Variants in TFB1M observed in about 807,000 individuals in gnomAD.
TFB1M encodes dimethyladenosine transferase 1, mitochondrial.
In TFB1M, 27 loss-of-function variants were observed where a neutral mutation model predicts 31.1. The observed-to-expected ratio is 0.87, with a 90% CI of 0.64 to 1.20. TFB1M has a LOEUF of 1.20. Among genes scored for constraint, TFB1M ranks in the 50% most tolerant of loss-of-function variants. The pLI, the probability that TFB1M is intolerant of heterozygous loss-of-function variation, is 0.00. For synonymous variants in TFB1M, 166 were observed against 151.8 expected, an observed-to-expected ratio of 1.09 and a Z score of -0.69; for missense variants, 394 against 418.7, an observed-to-expected ratio of 0.94 and a Z score of 0.51.
At chr6:155,277,547 T>C (rs541983833) in intron 5 of TFB1M, among the ~76,000 whole-genome samples, 2 of 152,356 alleles carry the variant, frequency 1.3e-5, no homozygotes, top group South Asian at 4.1e-4. Flanking sequence ...GAATATATTT[T>C]ACGTAAGTAA....
intron 5 of TFB1M, among the ~76,000 whole-genome samples, chr6:155,267,310 G>A (rs1784700351): frequency 1.3e-5 from 2 of 152,210 alleles, no homozygotes; most frequent in South Asian, 4.1e-4. Context: ...AGGGTCAGCT[G>A]AGGCAGCCAT....
At chr6:155,234,979 G>GAGCTAGAGACGGAGCAC in the TFB1M span, among the ~76,000 whole-genome samples, 1 of 152,136 alleles carries the variant, frequency 6.6e-6, no homozygotes, top group Non-Finnish European at 1.5e-5. Flanking sequence ...GAGGGGAACA[G>GAGCTAGAGACGGAGCAC]AGCTAGAGAC....
the TFB1M span, chr6:155,250,836 T>G: frequency 7.1e-7 from 1 of 1,414,148 alleles, no homozygotes; most frequent in Non-Finnish European, 1.0e-6. Context: ...AATGACTGTG[T>G]GTACATCACT....
rs144355958 is a variant in TFB1M, at chr6:155,298,513, C to T, written c.358G>A (p.Ala120Thr). 6.2e-7 allele frequency: 1 copy of T among 1,612,760 alleles called. No homozygotes were observed. Among genetic ancestry groups the T allele is most frequent in the South Asian group, 1.1e-5 (1 of 91,048 alleles). The change falls in exon 3 of 7, where the codon GCT becomes ACT. Residue 120 changes from alanine to threonine, a missense_variant. Around this residue, in one of 3 missense-constraint regions of TFB1M, gnomAD observed 273 missense variants for 256.4 expected, o/e 1.06. Transcript: ENST00000367166. ...GGTCTTTTAAGACTTTCTGAAAAAGCCTTTTCTACCTTAAATGTCAAGACA... is the reference window on the plus strand; with the variant it reads ...GGTCTTTTAAGACTTTCTGAAAAAGTCTTTTCTACCTTAAATGTCAAGACA... ...GDVLTFKVEK[A>T]FSESLKRPWE...
the TFB1M span, among the ~76,000 whole-genome samples, chr6:155,236,831 C>G: frequency 1.3e-5 from 2 of 152,222 alleles, no homozygotes; most frequent in Non-Finnish European, 2.9e-5. Flanking sequence ...TCATCTCCCA[C>G]TGGGCCCCTC....
intron 3 of TFB1M, among the ~76,000 whole-genome samples, chr6:155,298,198 C>G (rs1001812324): frequency 6.6e-6 from 1 of 152,002 alleles, no homozygotes; most frequent in African/African-American, 2.4e-5. Flanking sequence ...GATAGTTTAC[C>G]CTATCCTTAT....
At chr6:155,290,367 C>T (rs952141036) in intron 4 of TFB1M, among the ~76,000 whole-genome samples, 3 of 123,558 alleles carry the variant, frequency 2.4e-5, no homozygotes, top group African/African-American at 3.2e-5. Context: ...GCCTGGGTGA[C>T]AGAGCGGCGA....
At chr6:155,245,886 GGTTTCT>G in the TFB1M span, among the ~76,000 whole-genome samples, 1 of 151,654 alleles carries the variant, frequency 6.6e-6, no homozygotes, top group African/African-American at 2.4e-5. Flanking sequence ...TAAAGGGAAA[GGTTTCT>G]GTTTCTGTCA....
downstream of TFB1M, chr6:155,252,844 G>C: frequency 9.6e-7 from 1 of 1,041,986 alleles, no homozygotes; most frequent in Non-Finnish European, 1.4e-6. Flanking sequence ...TGGCTGCTCG[G>C]AGACTCGCCC....
the TFB1M span, among the ~76,000 whole-genome samples, chr6:155,234,274 TA>T: frequency 6.6e-6 from 1 of 152,150 alleles, no homozygotes. Flanking sequence ...CTCCCAGCCC[TA>T]AGTTATGATC....
chr6:155,274,193 G>T (rs1169253811), intron 5 of TFB1M, among the ~76,000 whole-genome samples: 3 of 152,100 alleles, frequency 2.0e-5, no homozygotes, highest in Non-Finnish European at 2.9e-5. Context: ...TATGAATCAC[G>T]ACAGAGCCAC....
chr6:155,292,071 G>A (rs1006144155), intron 4 of TFB1M, among the ~76,000 whole-genome samples: 2 of 152,220 alleles, frequency 1.3e-5, no homozygotes, highest in African/African-American at 4.8e-5. Flanking sequence ...GAAATGGAAA[G>A]GAGATGAGCC....
At chr6:155,291,754 G>A (rs946133426) in intron 4 of TFB1M, among the ~76,000 whole-genome samples, 1 of 152,134 alleles carries the variant, frequency 6.6e-6, no homozygotes, top group African/African-American at 2.4e-5. Context: ...AAACATGTCA[G>A]ACATTGCCAA....
rs1441030529 is a variant in TFB1M at position 155,257,121 on chromosome 6, G to C, written c.*715C>G. ...AAACAGAGAGCCACGGAAAATCATA[G>C]TATGATTCAATCCAGATATGGGTTA... On this transcript the variant is annotated 3_prime_UTR_variant, in exon 7 of 7. Coordinates refer to ENST00000367166, the MANE Select transcript of TFB1M (RefSeq NM_016020.4). The C allele has an allele frequency of 6.8e-7, 1 of 1,461,502 alleles. No individual in the cohort carries two copies. Among genetic ancestry groups the C allele is most frequent in the Non-Finnish European group, 9.2e-7 (1 of 1,083,322 alleles). 90.5% of individuals were successfully genotyped at this position (1,461,502 alleles called of 1,614,324 possible).
chr6:155,246,069 GTTTT>G, the TFB1M span, among the ~76,000 whole-genome samples: 277 of 142,382 alleles, frequency 1.9e-3, 1 homozygote, highest in Non-Finnish European at 2.1e-3. Context: ...ATGCTATGGT[GTTTT>G]TTTTTTTTTC....
chr6:155,253,605 T>G, downstream of TFB1M: 1 of 187,060 alleles, frequency 5.3e-6, no homozygotes, highest in Non-Finnish European at 1.1e-5. Context: ...AATGACCACA[T>G]TTGGGGCAGG....
chr6:155,230,396 C>T, the TFB1M span, among the ~76,000 whole-genome samples: 1 of 152,208 alleles, frequency 6.6e-6, no homozygotes, highest in Admixed American at 6.5e-5. Flanking sequence ...TGACTTTAAC[C>T]CTGGCTCCAG....
intron 4 of TFB1M, among the ~76,000 whole-genome samples, chr6:155,293,295 C>T (rs1777016760): frequency 6.6e-6 from 1 of 152,100 alleles, no homozygotes; most frequent in African/African-American, 2.4e-5. Context: ...CATGCATTTA[C>T]TTAATTCTTT....
chr6:155,314,160 G>A, intron 1 of TFB1M, 136 bp downstream of exon 1: 4 of 1,537,110 alleles, frequency 2.6e-6, no homozygotes, highest in Non-Finnish European at 1.7e-6. Flanking sequence ...CTGATACAAA[G>A]AGGTCGAAGG....
Sources: allele counts gnomAD v4.1 joint callset (sites outside exome capture counted in the v4.1 genomes callset), GRCh38; gene constraint gnomAD v4.1.1; regional missense constraint gnomAD v4.1.1; transcripts MANE v1.5; gene names NCBI Gene and HGNC (gene_info 2026-07-23, HGNC 2026-07-21).